The following PIBF1 variants were observed in gnomAD, a reference collection of about 807,000 sequenced individuals.
The protein encoded by PIBF1 is progesterone immunomodulatory binding factor 1, also known as progesterone-induced-blocking factor 1.
Under a neutral mutation model 112.5 loss-of-function variants are expected in PIBF1, and 90 were observed. The observed-to-expected ratio is 0.80, with a 90% CI of 0.67 to 0.95. The LOEUF (loss-of-function observed/expected upper bound fraction) is 0.95, where lower values mean the gene tolerates loss of function less well. Among genes scored for constraint, PIBF1 ranks in the 40% least tolerant of loss-of-function variants. The probability of loss-of-function intolerance (pLI) is 0.00; values close to 1 mark genes in which losing one functional copy is unlikely to be tolerated. For missense variants in PIBF1, 915 were observed against 852.3 expected, an observed-to-expected ratio of 1.07 and a Z score of -0.92; for synonymous variants, 301 against 288.6, an observed-to-expected ratio of 1.04 and a Z score of -0.44.
intron 17 of PIBF1, among the ~76,000 whole-genome samples, chr13:73,013,300 CAAAAAAAAAAAA>C (rs869055620): frequency 1.4e-4 from 2 of 14,658 alleles, no homozygotes; most frequent in Admixed American, 8.0e-4. Flanking sequence ...GACTCTGTCT[CAAAAAAAAAAAA>C]AAAAAAAAAA....
intron 8 of PIBF1, among the ~76,000 whole-genome samples, chr13:72,834,567 C>T (rs934145138): frequency 1.4e-4 from 22 of 152,080 alleles, no homozygotes; most frequent in Non-Finnish European, 2.9e-4. Context: ...TTCGGGGTTA[C>T]ATGATTGTGC....
At chr13:72,916,632 G>C (rs1187998348) in intron 12 of PIBF1, among the ~76,000 whole-genome samples, 3 of 151,756 alleles carry the variant, frequency 2.0e-5, no homozygotes, top group Admixed American at 6.6e-5. Context: ...ACCTACATAA[G>C]TACATAATTT....
intron 10 of PIBF1, among the ~76,000 whole-genome samples, chr13:72,858,023 T>TTGCTTTGTGTGTGTGTGTG (rs71099760): frequency 9.9e-5 from 14 of 141,314 alleles, no homozygotes; most frequent in African/African-American, 3.5e-4. Flanking sequence ...CAAATGTACA[T>TTGCTTTGTGTGTGTGTGTG]TGTGTGTGTG....
chr13:72,969,632 A>T (rs1025648438), intron 15 of PIBF1: 1 of 152,214 alleles, frequency 6.6e-6, no homozygotes, highest in East Asian at 1.9e-4. Context: ...ATATGGTAGG[A>T]TAGATCACAG....
At chr13:72,918,441 G>A (rs1297642167) in intron 13 of PIBF1, among the ~76,000 whole-genome samples, 1 of 142,758 alleles carries the variant, frequency 7.0e-6, no homozygotes, top group Non-Finnish European at 1.5e-5. Flanking sequence ...GGCCTGGAGT[G>A]CAATGGCACA....
rs2040768130 is a variant in PIBF1 at position 72,908,245 on chromosome 13, A to G, written c.1489-286A>G. ...CATTGTATTTTTTTAAATTCTAACA[A>G]GCAAATGCTAATATTACTCCTATAA... is the stretch of plus-strand genomic sequence containing the variant. On this transcript the variant is annotated intron_variant, in intron 11 of 17. Coordinates refer to ENST00000326291, the MANE Select transcript of PIBF1 (RefSeq NM_006346.4). Among the ~76,000 whole-genome samples, 3 of 152,188 alleles carry G rather than the reference A, an allele frequency of 2.0e-5. No homozygotes were observed. The South Asian group carries it at 6.2e-4, about 32-fold the overall frequency.
At chr13:72,809,487 A>G (rs1331539161) in intron 5 of PIBF1, among the ~76,000 whole-genome samples, 4 of 151,602 alleles carry the variant, frequency 2.6e-5, no homozygotes, top group Non-Finnish European at 2.9e-5. Flanking sequence ...TTAAAGCCAC[A>G]TGAAATCATT....
At chr13:72,891,603 C>T (rs1023287652) in intron 10 of PIBF1, among the ~76,000 whole-genome samples, 2 of 151,906 alleles carry the variant, frequency 1.3e-5, no homozygotes, top group African/African-American at 4.8e-5. Flanking sequence ...CTCGTTACTG[C>T]TGATGGGAAT....
chr13:72,989,815 T>A (rs9543188), intron 16 of PIBF1, among the ~76,000 whole-genome samples: 1 of 152,126 alleles, frequency 6.6e-6, no homozygotes, highest in South Asian at 2.1e-4. Flanking sequence ...AAGAAAATAT[T>A]GACAAAATGT....
At chr13:72,802,622 A>G (rs1363544603) in intron 5 of PIBF1, among the ~76,000 whole-genome samples, 1 of 152,204 alleles carries the variant, frequency 6.6e-6, no homozygotes, top group African/African-American at 2.4e-5. Flanking sequence ...TGAGATAGGT[A>G]GGTTGTGAAT....
At chr13:72,862,661 A>G (rs1031870420) in intron 10 of PIBF1, among the ~76,000 whole-genome samples, 3 of 152,218 alleles carry the variant, frequency 2.0e-5, no homozygotes, top group Admixed American at 2.0e-4. Flanking sequence ...CAGTTATTTG[A>G]AATATATGAA....
chr13:72,998,224 A>G (rs1011551461), intron 16 of PIBF1, among the ~76,000 whole-genome samples: 2 of 152,230 alleles, frequency 1.3e-5, no homozygotes, highest in African/African-American at 4.8e-5. Flanking sequence ...CAGCGAATAT[A>G]TGTGGAGCAT....
intron 14 of PIBF1, among the ~76,000 whole-genome samples, chr13:72,956,996 G>GA (rs1399892006): frequency 1.3e-5 from 2 of 152,062 alleles, no homozygotes; most frequent in Non-Finnish European, 2.9e-5. Context: ...ATGGCGTAAT[G>GA]AAAAAAATTT....
chr13:72,934,979 CTGTTTGTT>C (rs879489243), intron 14 of PIBF1, among the ~76,000 whole-genome samples: 1 of 151,636 alleles, frequency 6.6e-6, no homozygotes. Flanking sequence ...GTTTGTCTGT[CTGTTTGTT>C]TGTTTGTTTG....
chr13:72,810,300 A>G (rs368288729), intron 5 of PIBF1, among the ~76,000 whole-genome samples: 1 of 152,154 alleles, frequency 6.6e-6, no homozygotes, highest in Non-Finnish European at 1.5e-5. Context: ...TATCAAAAGG[A>G]TGTGATGTTA....
intron 11 of PIBF1, among the ~76,000 whole-genome samples, chr13:72,907,526 C>A (rs1202908212): frequency 6.6e-6 from 1 of 152,054 alleles, no homozygotes; most frequent in Non-Finnish European, 1.5e-5. Flanking sequence ...TCTAGGTACT[C>A]TGCTAAGCAC....
intron 15 of PIBF1, among the ~76,000 whole-genome samples, chr13:72,972,767 C>A (rs2042929886): frequency 6.6e-6 from 1 of 152,088 alleles, no homozygotes; most frequent in Non-Finnish European, 1.5e-5. Flanking sequence ...TAATTGCCAC[C>A]ATGCCAGGCC....
intron 16 of PIBF1, among the ~76,000 whole-genome samples, chr13:72,992,200 C>T (rs561085097): frequency 1.3e-5 from 2 of 152,082 alleles, no homozygotes; most frequent in South Asian, 2.1e-4. Context: ...CTCAGTCAAT[C>T]GATCAATCAA....
Position 72,825,883 on chromosome 13 carries a change from T to C in PIBF1, c.807-1127T>C, listed in dbSNP as rs112051320. Among the ~76,000 whole-genome samples, 976 of 146,168 alleles carry C rather than the reference T, an allele frequency of 6.7e-3. 18 individuals carry two copies. The highest frequency in any genetic ancestry group is 0.023 in the African/African-American group (912 of 39,496). On this transcript the variant is annotated intron_variant, in intron 6 of 17. Coordinates refer to ENST00000326291, the MANE Select transcript of PIBF1 (RefSeq NM_006346.4). ...GACTTTAAGACTAGCCAGGGCAATA[T>C]AGCAAGACCGTCTTTACAAAAAAAA...
Sources: gnomAD v4.1 joint callset for allele counts (sites outside exome capture counted in the v4.1 genomes callset) on GRCh38, gnomAD v4.1.1 for gene constraint, MANE v1.5 for transcripts, NCBI Gene and HGNC (gene_info 2026-07-23, HGNC 2026-07-21) for gene names.